ECM2: variants seen among roughly 807,000 people sequenced by gnomAD.
The protein encoded by ECM2 is extracellular matrix protein 2, female organ and adipocyte specific.
ECM2 carries 57 observed loss-of-function variants against 67.5 expected under a neutral mutation model. The observed-to-expected ratio is 0.84, with a 90% CI of 0.68 to 1.05. The LOEUF (loss-of-function observed/expected upper bound fraction) is 1.05. Among genes scored for constraint, ECM2 ranks in the 50% least tolerant of loss-of-function variants. The pLI, the probability that ECM2 is intolerant of heterozygous loss-of-function variation, is 0.00. For synonymous variants in ECM2, 258 were observed against 294.5 expected, an observed-to-expected ratio of 0.88 and a Z score of 1.27; for missense variants, 741 against 822.8, an observed-to-expected ratio of 0.90 and a Z score of 1.22.
At chr9:92,543,471 CAAAAAAAAAAA>C in the ECM2 span, among the ~76,000 whole-genome samples, 9 of 44,524 alleles carry the variant, frequency 2.0e-4, 1 homozygote, top group East Asian at 8.7e-4. Flanking sequence ...AACCCTGTCT[CAAAAAAAAAAA>C]AAAAAAAAAA....
intron 2 of ECM2, among the ~76,000 whole-genome samples, chr9:92,518,815 G>A (rs907262932): frequency 6.6e-6 from 1 of 152,188 alleles, no homozygotes; most frequent in African/African-American, 2.4e-5. Context: ...CTTGAACCCA[G>A]GAGGTGGAGG....
the ECM2 span, among the ~76,000 whole-genome samples, chr9:92,551,288 T>C: frequency 2.0e-5 from 3 of 152,102 alleles, no homozygotes; most frequent in African/African-American, 7.2e-5. Flanking sequence ...AGTAAGGAGT[T>C]AAGTATAGAA....
intron 9 of ECM2, among the ~76,000 whole-genome samples, chr9:92,499,701 C>T (rs1349388356): frequency 6.6e-6 from 1 of 152,244 alleles, no homozygotes; most frequent in Admixed American, 6.5e-5. Flanking sequence ...CCCATCTCTT[C>T]CTCCAGTACC....
In ECM2 at chr9:92,505,690, T is replaced by C. The variant is rs745349251; in HGVS notation, c.1307A>G (p.Asp436Gly). ...LQAIDEESLS[D>G]LNQLVTLELE... is the part of the protein sequence containing the mutation. ...TTCTAAGGTGACCAACTGATTTAAG[T>C]CTATAAAAAATAAAAGTATTAGAAT... Residue 436 changes from aspartate (D) to glycine (G), a missense_variant and splice_region_variant, in exon 7 of 10, where the codon GAC becomes GGC. By Grantham distance (94) the Asp-to-Gly change is moderately conservative (BLOSUM62 -1). Transcript: ENST00000344604. 1.2e-5 allele frequency: 19 copies of C among 1,565,214 alleles called. No individual in the cohort carries two copies. The highest frequency in any genetic ancestry group is 1.5e-5 in the Non-Finnish European group (18 of 1,163,784).
rs775049821 is a variant in ECM2, at chr9:92,535,928, T to G, written c.-28+5A>C. The G allele has an allele frequency of 3.0e-5, 14 of 470,594 alleles. No homozygotes were observed. Among genetic ancestry groups the G allele is most frequent in the Non-Finnish European group, 5.7e-5 (14 of 247,302 alleles). 29.2% of individuals were successfully genotyped at this position (470,594 alleles called of 1,614,324 possible). On this transcript the variant is annotated splice_donor_5th_base_variant and intron_variant, in intron 1 of 9. Transcript: ENST00000344604. ...GTAGAAACTTAAAATTTAAAACTTT[T>G]TTACCTGGAGATCTAAACTAAGTAG...
At chr9:92,503,307 T>C (rs774740378) in intron 7 of ECM2, among the ~76,000 whole-genome samples, 19 of 152,186 alleles carry the variant, frequency 1.2e-4, no homozygotes, top group Non-Finnish European at 2.5e-4. Context: ...TAATCTCTAC[T>C]TACCAGTGGA....
chr9:92,542,580 G>T, the ECM2 span, among the ~76,000 whole-genome samples: 1 of 151,402 alleles, frequency 6.6e-6, no homozygotes, highest in Non-Finnish European at 1.5e-5. Context: ...GCAGTGGCAC[G>T]ATCATGGCTC....
At chr9:92,500,080 AGTTTT>A (rs1468629763) in intron 9 of ECM2, among the ~76,000 whole-genome samples, 1 of 152,234 alleles carries the variant, frequency 6.6e-6, no homozygotes, top group Non-Finnish European at 1.5e-5. Flanking sequence ...TTTATAGATT[AGTTTT>A]ATTTATTTAT....
upstream of ECM2, among the ~76,000 whole-genome samples, chr9:92,541,572 A>C (rs1291344541): frequency 6.6e-6 from 1 of 151,770 alleles, no homozygotes; most frequent in Non-Finnish European, 1.5e-5. Flanking sequence ...AAGTGAGATC[A>C]TGCAGTATCT....
rs1002707366 is a variant in ECM2 at position 92,496,070 on chromosome 9, C to G, written c.*245G>C. The stretch of plus-strand genomic sequence containing the variant: ...AGCTCAGTATGCATAATATCCTATT[C>G]TAGTGAGATGGCCTCTTTCTAGAGG... On this transcript the variant is annotated 3_prime_UTR_variant, in exon 10 of 10. Coordinates refer to ENST00000344604, the MANE Select transcript of ECM2 (RefSeq NM_001393.4). The G allele has an allele frequency of 1.8e-6, 2 of 1,123,536 alleles. No individual in the cohort carries two copies. The highest frequency in any genetic ancestry group is 2.2e-6 in the Non-Finnish European group (2 of 920,910). The allele number at this position is 1,123,536 out of a possible 1,614,324, so 69.6% of individuals were successfully genotyped here. A position where few individuals can be genotyped will look rare whatever the true frequency, so the allele number is the denominator to read the frequency against.
intron 2 of ECM2, among the ~76,000 whole-genome samples, chr9:92,520,785 G>T (rs1166425298): frequency 6.6e-6 from 1 of 152,094 alleles, no homozygotes; most frequent in African/African-American, 2.4e-5. Context: ...GCCATAAAAA[G>T]GAATGAAGTT....
At position 92,515,125 on chromosome 9, in the gene ECM2, G is replaced by T; in HGVS notation, c.560C>A (p.Pro187His). ...CAGTTGCTTATGAAGTAAATTGGTA[G>T]GTTCTCTTTGTTCTGAAGAATCACC... ...FSGDSSEQRE[P>H]TNLLHKQLPP... The change falls in exon 4 of 10, where the codon CCT becomes CAT. Residue 187 changes from proline to histidine, a missense_variant. Coordinates refer to ENST00000344604, the MANE Select transcript of ECM2 (RefSeq NM_001393.4). 1.9e-6 allele frequency: 3 copies of T among 1,613,246 alleles called. No homozygotes were observed. The highest frequency in any genetic ancestry group is 2.5e-6 in the Non-Finnish European group (3 of 1,179,836).
intron 5 of ECM2, among the ~76,000 whole-genome samples, chr9:92,511,440 TTA>T (rs1337714803): frequency 3.5e-5 from 5 of 143,528 alleles, no homozygotes; most frequent in African/African-American, 1.1e-4. Flanking sequence ...TTTTTTTTTT[TTA>T]AATATATAAT....
chr9:92,526,134 C>T (rs2131260367), intron 1 of ECM2, among the ~76,000 whole-genome samples: 1 of 152,130 alleles, frequency 6.6e-6, no homozygotes, highest in Middle Eastern at 3.4e-3. Flanking sequence ...CCATGAAGAC[C>T]TTCCAGTGGG....
intron 1 of ECM2, among the ~76,000 whole-genome samples, chr9:92,525,662 G>A (rs1002183807): frequency 6.6e-6 from 1 of 152,094 alleles, no homozygotes; most frequent in African/African-American, 2.4e-5. Flanking sequence ...AGGCCAAGGT[G>A]GGTGGATCAC....
At chr9:92,551,504 A>T in the ECM2 span, among the ~76,000 whole-genome samples, 4 of 151,988 alleles carry the variant, frequency 2.6e-5, no homozygotes, top group Admixed American at 6.6e-5. Context: ...CACCTGGCTA[A>T]TTTATTTTAT....
At position 92,531,185 on chromosome 9, in the gene ECM2, G is replaced by A. The variant is rs545404008; in HGVS notation, c.-28+4748C>T. ...TATTTGCTTTTTATTTGTCCTACAT[G>A]TTCTATGTTCCTTTTTCTGTTTTCT... On this transcript the variant is annotated intron_variant, in intron 1 of 9. Transcript: ENST00000344604. Among the ~76,000 whole-genome samples, 68 of 152,052 alleles carry A rather than the reference G, an allele frequency of 4.5e-4. No individual in the cohort carries two copies. The Middle Eastern group carries it at 0.01, about 23-fold the overall frequency.
intron 7 of ECM2, among the ~76,000 whole-genome samples, chr9:92,505,013 G>T (rs1348476218): frequency 6.6e-6 from 1 of 152,200 alleles, no homozygotes; most frequent in Non-Finnish European, 1.5e-5. Context: ...GACAGTTTTG[G>T]TAGGAACTGG....
chr9:92,535,087 T>C (rs1849084496), intron 1 of ECM2, among the ~76,000 whole-genome samples: 1 of 151,998 alleles, frequency 6.6e-6, no homozygotes, highest in Non-Finnish European at 1.5e-5. Flanking sequence ...GGAAACTACC[T>C]CTCTTTCTTT....
Sources: gnomAD v4.1 joint callset for allele counts (sites outside exome capture counted in the v4.1 genomes callset) on GRCh38, gnomAD v4.1.1 for gene constraint, MANE v1.5 for transcripts, NCBI Gene and HGNC (gene_info 2026-07-23, HGNC 2026-07-21) for gene names.